Variants in KCNIP4 observed in about 807,000 individuals in gnomAD.
The protein encoded by KCNIP4 is potassium voltage-gated channel interacting protein 4, also known as Kv channel-interacting protein 4.
KCNIP4 carries 12 observed loss-of-function variants against 34.0 expected under a neutral mutation model. That is an observed-to-expected ratio of 0.35 (90% CI 0.23 to 0.57). KCNIP4 has a LOEUF of 0.57. Ranked by LOEUF, KCNIP4 falls within the 20% of genes least tolerant of loss-of-function variation. The pLI is 0.83. For missense variants in KCNIP4, 238 were observed against 311.7 expected (o/e 0.76, Z 1.78); for synonymous variants, 124 against 102.2 (o/e 1.21, Z -1.29).
At chr4:20,959,718 C>G (rs1303160296) in intron 1 of KCNIP4, among the ~76,000 whole-genome samples, 1 of 152,110 alleles carries the variant, frequency 6.6e-6, no homozygotes, top group East Asian at 1.9e-4. Context: ...CTCTTCCCAC[C>G]TTGAACCCTT....
intron 1 of KCNIP4, among the ~76,000 whole-genome samples, chr4:20,989,563 A>T (rs1424588601): frequency 6.6e-6 from 1 of 152,182 alleles, no homozygotes; most frequent in East Asian, 1.9e-4. Flanking sequence ...AGCCATCAGG[A>T]TGGTTGGCAT....
intron 1 of KCNIP4, among the ~76,000 whole-genome samples, chr4:21,448,918 G>A (rs1728270549): frequency 6.6e-6 from 1 of 152,184 alleles, no homozygotes; most frequent in Non-Finnish European, 1.5e-5. Context: ...TGCCAGCCTG[G>A]ACTGAAACGG....
At chr4:21,657,996 C>T (rs1300247772) in intron 1 of KCNIP4, among the ~76,000 whole-genome samples, 3 of 152,040 alleles carry the variant, frequency 2.0e-5, no homozygotes, top group African/African-American at 7.2e-5. Flanking sequence ...CGTGTCACCA[C>T]ACCCAGCTAA....
At chr4:21,199,190 CA>C (rs1756282302) in intron 1 of KCNIP4, among the ~76,000 whole-genome samples, 1 of 152,230 alleles carries the variant, frequency 6.6e-6, no homozygotes, top group South Asian at 2.1e-4. Context: ...GTGCTACCGA[CA>C]GTGTAAAAGT....
chr4:21,192,484 A>G (rs1755724156), intron 1 of KCNIP4, among the ~76,000 whole-genome samples: 1 of 152,148 alleles, frequency 6.6e-6, no homozygotes, highest in East Asian at 1.9e-4. Flanking sequence ...AAATTAACAG[A>G]GCCTAATTAC....
chr4:21,239,885 A>C (rs192770286), intron 1 of KCNIP4, among the ~76,000 whole-genome samples: 3,154 of 152,284 alleles, frequency 0.021, 49 homozygotes, highest in Non-Finnish European at 0.03. Flanking sequence ...TATATACCCA[A>C]AGGACTATAA....
At chr4:21,104,434 T>C (rs1748283906) in intron 1 of KCNIP4, among the ~76,000 whole-genome samples, 1 of 152,194 alleles carries the variant, frequency 6.6e-6, no homozygotes, top group South Asian at 2.1e-4. Flanking sequence ...CACTTTTTGA[T>C]GGGGTTGTTT....
intron 1 of KCNIP4, among the ~76,000 whole-genome samples, chr4:21,047,867 C>A (rs537476100): frequency 6.6e-6 from 1 of 152,320 alleles, no homozygotes; most frequent in East Asian, 1.9e-4. Flanking sequence ...TACTCATTCT[C>A]CTTTAAAGCT....
At chr4:21,454,921 T>G (rs1273325754) in intron 1 of KCNIP4, among the ~76,000 whole-genome samples, 1 of 152,042 alleles carries the variant, frequency 6.6e-6, no homozygotes, top group Non-Finnish European at 1.5e-5. Flanking sequence ...AGTAGGGCAG[T>G]GACCAGGTTA....
intron 1 of KCNIP4, among the ~76,000 whole-genome samples, chr4:21,395,325 C>T (rs1327222057): frequency 1.3e-5 from 2 of 152,156 alleles, no homozygotes; most frequent in African/African-American, 4.8e-5. Context: ...TACCTCCATA[C>T]ACAAACATTA....
At chr4:21,098,735 C>A (rs1577686463) in intron 1 of KCNIP4, among the ~76,000 whole-genome samples, 1 of 152,156 alleles carries the variant, frequency 6.6e-6, no homozygotes, top group Admixed American at 6.5e-5. Context: ...TGTTTTCACA[C>A]CTGCTAACAC....
chr4:21,354,343 C>T (rs1274662954), intron 1 of KCNIP4, among the ~76,000 whole-genome samples: 1 of 152,158 alleles, frequency 6.6e-6, no homozygotes, highest in Non-Finnish European at 1.5e-5. Flanking sequence ...AATTAAAAGA[C>T]ATAGACTGGT....
intron 1 of KCNIP4, among the ~76,000 whole-genome samples, chr4:21,153,289 C>A (rs538938175): frequency 1.6e-3 from 237 of 152,016 alleles, no homozygotes; most frequent in African/African-American, 5.5e-3. Context: ...TTTCCTGAAA[C>A]CTTGCCAGCT....
Position 21,128,273 on chromosome 4 carries a change from G to C in KCNIP4, c.62-245564C>G, listed in dbSNP as rs560901927. On this transcript the variant is annotated intron_variant, in intron 1 of 8. Transcript: ENST00000382152. ...GAGATGCTCTCATGGAATTAAGAGA[G>C]CAGAATCCCATGGCATTCAAGACTG... Among the ~76,000 whole-genome samples, 26 of 152,320 alleles carry C rather than the reference G, an allele frequency of 1.7e-4. 1 individual carries two copies. The South Asian group carries it at 5.0e-3, about 29-fold the overall frequency.
At chr4:21,426,076 A>G (rs867109763) in intron 1 of KCNIP4, among the ~76,000 whole-genome samples, 2 of 152,106 alleles carry the variant, frequency 1.3e-5, no homozygotes, top group Non-Finnish European at 2.9e-5. Context: ...AAAAATACCA[A>G]TGTAATATGT....
intron 1 of KCNIP4, among the ~76,000 whole-genome samples, chr4:21,748,751 A>C (rs1716947809): frequency 6.6e-6 from 1 of 152,132 alleles, no homozygotes; most frequent in Admixed American, 6.6e-5. Flanking sequence ...GAACTGGCAA[A>C]GAAAAGAAAT....
At chr4:21,463,865 C>T (rs1729689145) in intron 1 of KCNIP4, among the ~76,000 whole-genome samples, 1 of 151,966 alleles carries the variant, frequency 6.6e-6, no homozygotes, top group South Asian at 2.1e-4. Context: ...GAAATGTTTT[C>T]GTTTGAAATT....
intron 1 of KCNIP4, among the ~76,000 whole-genome samples, chr4:21,441,269 G>A (rs1467163023): frequency 1.3e-5 from 2 of 151,610 alleles, no homozygotes; most frequent in Non-Finnish European, 2.9e-5. Context: ...AGCCTCCCGA[G>A]TAGCTGGGAC....
intron 1 of KCNIP4, among the ~76,000 whole-genome samples, chr4:21,610,802 A>G (rs1744097925): frequency 6.6e-6 from 1 of 152,106 alleles, no homozygotes; most frequent in African/African-American, 2.4e-5. Context: ...AACATGGTGA[A>G]AAGGGAAGAG....
Sources: gnomAD v4.1 joint callset for allele counts (sites outside exome capture counted in the v4.1 genomes callset) on GRCh38, gnomAD v4.1.1 for gene constraint, MANE v1.5 for transcripts, NCBI Gene and HGNC (gene_info 2026-07-23, HGNC 2026-07-21) for gene names.